The following AKAP7 variants were observed in gnomAD, a reference collection of about 807,000 sequenced individuals.
AKAP7 encodes the protein A-kinase anchoring protein 7.
In AKAP7, 39 loss-of-function variants were observed where a neutral mutation model predicts 39.5. The ratio of observed to expected loss-of-function variants is 0.99; its 90% confidence interval spans 0.76 to 1.29. The LOEUF is 1.29. AKAP7 is among the 50% of genes most tolerant of loss of function. The pLI is 0.00. For missense variants in AKAP7, 414 were observed against 407.7 expected (o/e 1.02, Z -0.13); for synonymous variants, 140 against 139.1 (o/e 1.01, Z -0.05).
At chr6:131,213,064 A>G (rs1808822816) in intron 6 of AKAP7, among the ~76,000 whole-genome samples, 1 of 152,212 alleles carries the variant, frequency 6.6e-6, no homozygotes, top group African/African-American at 2.4e-5. Context: ...TGATAACATA[A>G]TCAGCTGAGG....
Position 131,256,754 on chromosome 6 carries a change from GGT to G in AKAP7, c.851-24775_851-24774del, listed in dbSNP as rs200408128. 0.014 allele frequency among the ~76,000 whole-genome samples: 2,153 copies of G among 149,772 alleles called. 140 individuals are homozygous for G. In the East Asian group the frequency reaches 0.17, roughly 12 times the overall value. Reference sequence around the variant, plus strand: ...TATTATTAAAGAGATGGCCCAAGCAGGTCTCAAACTCCTGGCCTCAAGTGATC... The same window carrying G: ...TATTATTAAAGAGATGGCCCAAGCAGCTCAAACTCCTGGCCTCAAGTGATC... On this transcript the variant is annotated intron_variant, in intron 7 of 7. Transcript: ENST00000431975.
rs189911905 is a variant in AKAP7, at chr6:131,179,597, C to T, written c.589+10324C>T. Among the ~76,000 whole-genome samples the T allele has an allele frequency of 8.5e-3, 1,298 of 151,946 alleles. 24 individuals are homozygous for T. The highest frequency in any genetic ancestry group is 0.028 in the African/African-American group (1,174 of 41,510). On this transcript the variant is annotated intron_variant, in intron 5 of 7. Transcript: ENST00000431975. ...TCTATAATGTGTGACACATAAAACG[C>T]GTTAAGGCTCACATAATCCCAGCAC...
At chr6:131,247,269 GTA>G (rs60033504) in intron 7 of AKAP7, among the ~76,000 whole-genome samples, 3,522 of 90,530 alleles carry the variant, frequency 0.039, 57 homozygotes, top group East Asian at 0.059. Flanking sequence ...CATTTCATAT[GTA>G]TATATATATA....
At position 131,196,690 on chromosome 6, in the gene AKAP7, A is replaced by C. The variant is rs551431482; in HGVS notation, c.590-2771A>C. Among the ~76,000 whole-genome samples the C allele has an allele frequency of 7.8e-4, 118 of 152,236 alleles. 1 individual carries two copies. Among genetic ancestry groups the C allele is most frequent in the African/African-American group, 2.8e-3 (118 of 41,530 alleles). On this transcript the variant is annotated intron_variant, in intron 5 of 7. Coordinates refer to ENST00000431975, the MANE Select transcript of AKAP7 (RefSeq NM_016377.4). ...TTTTCTTGTCTTTAGAATTGGCTTA[A>C]TAGTATTAGCCCTACCTGTTTTTGG...
At chr6:131,239,423 C>G (rs891627128) in intron 7 of AKAP7, among the ~76,000 whole-genome samples, 3 of 152,066 alleles carry the variant, frequency 2.0e-5, no homozygotes, top group Non-Finnish European at 4.4e-5. Flanking sequence ...TTTTGGCGTT[C>G]TCTGTATTTC....
intron 5 of AKAP7, among the ~76,000 whole-genome samples, chr6:131,175,306 G>T (rs1585013557): frequency 6.6e-6 from 1 of 152,108 alleles, no homozygotes; most frequent in African/African-American, 2.4e-5. Context: ...TGTAACTTCT[G>T]TTGAAAAATA....
intron 2 of AKAP7, among the ~76,000 whole-genome samples, chr6:131,149,524 A>G (rs960813816): frequency 6.6e-6 from 1 of 152,210 alleles, no homozygotes; most frequent in Non-Finnish European, 1.5e-5. Context: ...AAGCCCAGCT[A>G]CTAGGGAGGC....
intron 2 of AKAP7, among the ~76,000 whole-genome samples, chr6:131,147,755 G>C (rs1429100093): frequency 4.6e-5 from 7 of 152,218 alleles, no homozygotes; most frequent in Admixed American, 3.3e-4. Flanking sequence ...CGTTCTCCCT[G>C]TGAGCCTTGT....
intron 7 of AKAP7, among the ~76,000 whole-genome samples, chr6:131,236,165 G>C (rs9492873): frequency 0.49 from 73,681 of 151,250 alleles, 18,136 homozygotes; most frequent in Admixed American, 0.53. Context: ...ATAGGGAATC[G>C]TTTCCCCATT....
chr6:131,189,911 G>A (rs1806240917), intron 5 of AKAP7, among the ~76,000 whole-genome samples: 2 of 152,204 alleles, frequency 1.3e-5, no homozygotes, highest in South Asian at 4.1e-4. Flanking sequence ...AGTGCTTGAA[G>A]GAATGCCTGT....
intron 7 of AKAP7, among the ~76,000 whole-genome samples, chr6:131,229,760 C>G (rs533807542): frequency 1.3e-5 from 2 of 152,190 alleles, no homozygotes; most frequent in Non-Finnish European, 2.9e-5. Flanking sequence ...TACATATATA[C>G]ACATGCCTGT....
At chr6:131,184,770 G>A in intron 5 of AKAP7, 1 of 1,196,902 alleles carries the variant, frequency 8.4e-7, no homozygotes, top group Non-Finnish European at 1.2e-6. Flanking sequence ...GTGGTTGGGA[G>A]TCTTCTTTGT....
chr6:131,262,900 G>C (rs1298727452), intron 7 of AKAP7, among the ~76,000 whole-genome samples: 1 of 152,346 alleles, frequency 6.6e-6, no homozygotes, highest in African/African-American at 2.4e-5. Flanking sequence ...TTAGATTGGA[G>C]TTAAACCTGC....
chr6:131,230,993 A>G (rs1810581887), intron 7 of AKAP7, among the ~76,000 whole-genome samples: 2 of 152,152 alleles, frequency 1.3e-5, no homozygotes, highest in Admixed American at 1.3e-4. Flanking sequence ...AGGAGTCCTG[A>G]GGCCAAAAAC....
intron 7 of AKAP7, among the ~76,000 whole-genome samples, chr6:131,279,180 C>G (rs1342620083): frequency 6.6e-6 from 1 of 152,256 alleles, no homozygotes; most frequent in Non-Finnish European, 1.5e-5. Flanking sequence ...AGGAAGGCAT[C>G]AAAGATGGCT....
intron 6 of AKAP7, chr6:131,200,995 A>G (rs1036051615): frequency 1.3e-5 from 2 of 152,226 alleles, no homozygotes; most frequent in African/African-American, 4.8e-5. Context: ...ATTTAAAAAA[A>G]TGCTTAAACT....
At chr6:131,180,065 G>A (rs1805003428) in intron 5 of AKAP7, among the ~76,000 whole-genome samples, 1 of 152,138 alleles carries the variant, frequency 6.6e-6, no homozygotes. Context: ...GTCTGCTGTT[G>A]CTGCCCCAGC....
chr6:131,199,492 C>A lies in AKAP7; in HGVS notation c.621C>A (p.Gly207=). The A allele has an allele frequency of 6.2e-7, 1 of 1,608,374 alleles. No homozygotes were observed. The highest frequency in any genetic ancestry group is 1.1e-5 in the South Asian group (1 of 90,518). Residue 207 remains glycine (G), a synonymous_variant, in exon 6 of 8, where the codon GGC becomes GGA. Transcript: ENST00000431975. ...CAAATAGGACATTTCAAGAAAAAGG[C>A]ATCCTGGTAGGAGAGAGCAGAAGTT... ...ETANRTFQEK[G]ILVGESRSFK... is the part of the protein sequence containing the mutation.
chr6:131,136,276 C>T (rs1238186323), intron 1 of AKAP7, among the ~76,000 whole-genome samples: 2 of 152,098 alleles, frequency 1.3e-5, no homozygotes, highest in Admixed American at 6.5e-5. Context: ...ACACTAGCGC[C>T]CGGAATGAAT....
Sources: gnomAD v4.1 joint callset for allele counts (sites outside exome capture counted in the v4.1 genomes callset) on GRCh38, gnomAD v4.1.1 for gene constraint, MANE v1.5 for transcripts, NCBI Gene and HGNC (gene_info 2026-07-23, HGNC 2026-07-21) for gene names.